Variants in NOP2 observed in about 807,000 individuals in gnomAD.
NOP2 encodes the protein 28S rRNA (cytosine(4447)-C(5))-methyltransferase.
NOP2 carries 7 observed loss-of-function variants against 72.7 expected under a neutral mutation model. The observed-to-expected ratio is 0.10, with a 90% CI of 0.05 to 0.18. The LOEUF (loss-of-function observed/expected upper bound fraction) is 0.18, where lower values mean the gene tolerates loss of function less well. NOP2 is among the 10% of genes least tolerant of loss of function. The pLI is 1.00. For missense variants in NOP2, 954 were observed against 1,014.7 expected (o/e 0.94, Z 0.81); for synonymous variants, 387 against 388.0 (o/e 1.00, Z 0.03).
chr12:6,567,736 C>T, intron 2 of NOP2, 80 bp downstream of exon 2: 1 of 1,124,040 alleles, frequency 8.9e-7, no homozygotes, highest in Non-Finnish European at 1.3e-6. Flanking sequence ...ATAAAATGAA[C>T]AGAAACTAAA....
rs1486034259 is a variant in NOP2 at position 6,560,811 on chromosome 12, C to A, written c.1348-24G>T. On this transcript the variant is annotated intron_variant, in intron 12 of 15. Coordinates refer to ENST00000322166, the MANE Select transcript of NOP2 (RefSeq NM_001258308.2). The surrounding 1 kb of genome is among the most constrained non-coding windows in gnomAD (Gnocchi z 5.0). ...ACCTGGAGAAAAGATACAGATGAAT[C>A]ATATGTCTCTTCTGCAACCAGCAGG... 1 of 1,610,326 alleles carries A rather than the reference C, an allele frequency of 6.2e-7. No individual in the cohort carries two copies. Among genetic ancestry groups the A allele is most frequent in the Non-Finnish European group, 8.5e-7 (1 of 1,178,152 alleles).
At position 6,557,110 on chromosome 12, in the gene NOP2, A is replaced by G; in HGVS notation, c.2322T>C (p.Asn774=). The change falls in exon 16 of 16, where the codon AAT becomes AAC. Residue 774 remains asparagine (N), a synonymous_variant. Coordinates refer to ENST00000322166, the MANE Select transcript of NOP2 (RefSeq NM_001258308.2). ...GAGGCTGAGGCCCCTTGGGGGTATC[A>G]TTCTGTTTCTGGAAGGCAGCTTTCT... ...PFEKAAFQKQ[N]DTPKGPQPPT... 6.2e-7 allele frequency: 1 copy of G among 1,613,960 alleles called. No individual in the cohort carries two copies. Among genetic ancestry groups the G allele is most frequent in the Non-Finnish European group, 8.5e-7 (1 of 1,179,890 alleles).
intron 15 of NOP2, chr12:6,558,140 CAA>C (rs1186896591): frequency 0.14 from 23,441 of 168,978 alleles, 285 homozygotes; most frequent in Non-Finnish European, 0.15. Flanking sequence ...GACACCGTCT[CAA>C]AAAAAAAAAA....
At chr12:6,566,370 C>T in intron 4 of NOP2, 34 bp from the exon 5 acceptor site, 1 of 1,561,752 alleles carries the variant, frequency 6.4e-7, no homozygotes, top group Non-Finnish European at 8.8e-7. Flanking sequence ...CTAATGGCAG[C>T]CACACATTCC....
Position 6,560,537 on chromosome 12 carries a change from G to C in NOP2, c.1470C>G (p.Leu490=), listed in dbSNP as rs1947617011. ...TAGCACTCAGGAGCAACTCCTTCTGGAGGTGAGCACAGCGCAGGATGTCCT... is the reference window on the plus strand; with the variant it reads ...TAGCACTCAGGAGCAACTCCTTCTGCAGGTGAGCACAGCGCAGGATGTCCT... ...DEKDILRCAH[L]QKELLLSAID... is the part of the protein sequence containing the mutation. Residue 490 remains leucine (L), a synonymous_variant, in exon 14 of 16, where the codon CTC becomes CTG. Transcript: ENST00000322166. This position sits in a 1 kb window ranked among gnomAD's most constrained non-coding sequence, Gnocchi z 5.0. The C allele has an allele frequency of 6.2e-7, 1 of 1,603,690 alleles. No individual in the cohort carries two copies.
Position 6,563,128 on chromosome 12 carries a change from T to A in NOP2, c.931A>T (p.Thr311Ser). ...LEANEVPRPV[T>S]LRTNTLKTRR... ...GTTTTCAAGGTATTGGTCCGGAGGG[T>A]GACGGGCCGAGGCACCTCATTAGCT... The change falls in exon 9 of 16, where the codon ACC (threonine) becomes TCC (serine). Residue 311 changes from threonine (T) to serine (S), a missense_variant. By Grantham distance (58) the Thr-to-Ser change is moderately conservative. Around this residue, in one of 3 missense-constraint regions of NOP2, gnomAD observed 498 missense variants for 478.3 expected, o/e 1.04. Coordinates refer to ENST00000322166, the MANE Select transcript of NOP2 (RefSeq NM_001258308.2). The A allele has an allele frequency of 6.3e-7, 1 of 1,597,260 alleles. No homozygotes were observed. Among genetic ancestry groups the A allele is most frequent in the South Asian group, 1.1e-5 (1 of 87,954 alleles).
chr12:6,567,736 CAGAAACTAAAAA>C (rs1947818449), intron 2 of NOP2, 68 bp downstream of exon 2: 2 of 1,124,040 alleles, frequency 1.8e-6, no homozygotes, highest in Non-Finnish European at 2.6e-6. Context: ...ATAAAATGAA[CAGAAACTAAAAA>C]AGAGAAGAGG....
intron 11 of NOP2, 82 bp downstream of exon 11, chr12:6,561,582 G>A: frequency 6.4e-7 from 1 of 1,553,564 alleles, no homozygotes; most frequent in Non-Finnish European, 8.8e-7. Context: ...ATGAGCACTA[G>A]TGAGTCAGCA....
rs191746895 is a variant in NOP2 at position 6,560,894 on chromosome 12, G to A, written c.1347+37C>T. The A allele has an allele frequency of 1.7e-5, 27 of 1,612,696 alleles. No homozygotes were observed. Among genetic ancestry groups the A allele is most frequent in the Admixed American group, 6.7e-5 (4 of 59,854 alleles). ...AGGTCAGGAAGGGAGAAGGTCAACC[G>A]GAAGAAGCCTCAGAAGACACACAGC... On this transcript the variant is annotated intron_variant, in intron 12 of 15. Transcript: ENST00000322166. This position sits in a 1 kb window ranked among gnomAD's most constrained non-coding sequence, Gnocchi z 5.0.
chr12:6,557,423 G>C lies in NOP2; in HGVS notation c.2009C>G (p.Thr670Ser). 1 of 1,614,054 alleles carries C rather than the reference G, an allele frequency of 6.2e-7. No individual in the cohort carries two copies. Among genetic ancestry groups the C allele is most frequent in the Non-Finnish European group, 8.5e-7 (1 of 1,179,900 alleles). ...ELSTVPSVTK[T>S]QASSSFQDSS... ...ATCCTGGAAGCTGGAGGAAGCTTGG[G>C]TCTTTGTGACAGAAGGTACAGTGGA... Residue 670 changes from threonine to serine, a missense_variant, in exon 16 of 16, where the codon ACC (threonine) becomes AGC (serine). Physicochemically the swap from Thr to Ser is moderately conservative, Grantham distance 58 (BLOSUM62 1). Coordinates refer to ENST00000322166, the MANE Select transcript of NOP2 (RefSeq NM_001258308.2).
intron 2 of NOP2, among the ~76,000 whole-genome samples, chr12:6,567,291 T>C (rs1401382713): frequency 6.6e-6 from 1 of 152,214 alleles, no homozygotes; most frequent in Non-Finnish European, 1.5e-5. Context: ...TTTAATACAG[T>C]GCCCAGGACT....
chr12:6,560,379 A>C lies in NOP2; in HGVS notation c.1561-53T>G. On this transcript the variant is annotated intron_variant, in intron 14 of 15. Coordinates refer to ENST00000322166, the MANE Select transcript of NOP2 (RefSeq NM_001258308.2). This position sits in a 1 kb window ranked among gnomAD's most constrained non-coding sequence, Gnocchi z 5.0. ...GAGGAAAAAGCAGAGCTGGAGCTGA[A>C]GGGAGCTCTAAGGGGCAAAGAGCCC... 1 of 1,605,574 alleles carries C rather than the reference A, an allele frequency of 6.2e-7. No homozygotes were observed. The highest frequency in any genetic ancestry group is 8.5e-7 in the Non-Finnish European group (1 of 1,173,794).
At position 6,557,454 on chromosome 12, in the gene NOP2, C is replaced by A. The variant is rs777894143; in HGVS notation, c.1978G>T (p.Glu660Ter). The A allele has an allele frequency of 1.9e-6, 3 of 1,614,012 alleles. No homozygotes were observed. The South Asian group carries it at 3.3e-5, about 18-fold the overall frequency. The change falls in exon 16 of 16, where the codon GAA becomes TAA. Residue 660 changes from glutamate to a stop codon, truncating the protein, a stop_gained. Transcript: ENST00000322166. LOFTEE classifies it low-confidence loss of function (END_TRUNC). ...GTGACAGAAGGTACAGTGGACAATTCTGAGTCTGCCCCTTTGGAGATGCCA... is the reference window on the plus strand; with the variant it reads ...GTGACAGAAGGTACAGTGGACAATTATGAGTCTGCCCCTTTGGAGATGCCA... ...LNGISKGADS[E>*]LSTVPSVTKT...
At position 6,560,568 on chromosome 12, in the gene NOP2, T is replaced by C; in HGVS notation, c.1439A>G (p.Asp480Gly). The change falls in exon 14 of 16, where the codon GAT becomes GGT. Residue 480 changes from aspartate to glycine, a missense_variant and splice_region_variant. This residue lies in a region of NOP2 where 187 missense variants were observed against 276.2 expected (regional missense o/e 0.68). Coordinates refer to ENST00000322166, the MANE Select transcript of NOP2 (RefSeq NM_001258308.2). The surrounding 1 kb of genome is among the most constrained non-coding windows in gnomAD (Gnocchi z 5.0). ...AGCACAGCGCAGGATGTCCTTCTCA[T>C]CCTGTCCCAAAAAGAGACCCAAAGG... Reference protein sequence around the residue: ...SKDPAVKTNKDEKDILRCAHL... With the variant: ...SKDPAVKTNKGEKDILRCAHL... The C allele has an allele frequency of 6.3e-7, 1 of 1,596,838 alleles. No homozygotes were observed.
chr12:6,566,145 A>T lies in NOP2; in HGVS notation c.430T>A (p.Tyr144Asn). ...TCCTCAGAGTTGGAGTCAGCTCCATAGTCATCTACCGTATCAGCATCGTCC... is the reference window on the plus strand; with the variant it reads ...TCCTCAGAGTTGGAGTCAGCTCCATTGTCATCTACCGTATCAGCATCGTCC... ...SEDDADTVDD[Y>N]GADSNSEDEE... is the part of the protein sequence containing the mutation. Residue 144 changes from tyrosine to asparagine, a missense_variant, in exon 5 of 16, where the codon TAT becomes AAT. Physicochemically the swap from Tyr to Asn is moderately radical, Grantham distance 143. Transcript: ENST00000322166. 6.2e-7 allele frequency: 1 copy of T among 1,613,934 alleles called. No individual in the cohort carries two copies. The highest frequency in any genetic ancestry group is 8.5e-7 in the Non-Finnish European group (1 of 1,179,854).
rs751400069 is a variant in NOP2 at position 6,566,102 on chromosome 12, G to C, written c.473C>G (p.Ala158Gly). The C allele has an allele frequency of 6.2e-7, 1 of 1,610,536 alleles. No individual in the cohort carries two copies. Among genetic ancestry groups the C allele is most frequent in the Non-Finnish European group, 8.5e-7 (1 of 1,177,524 alleles). ...AATGCCCAAAAAGATGAATCTCACC[G>C]CTTCACCTTCCTCCTCATCCTCAGA... Reference protein sequence around the residue: ...SNSEDEEEGEALLPIERAARK... With the variant: ...SNSEDEEEGEGLLPIERAARK... Residue 158 changes from alanine to glycine, a missense_variant and splice_region_variant, in exon 5 of 16, where the codon GCG (alanine) becomes GGG (glycine). Transcript: ENST00000322166.
chr12:6,563,505 G>C lies in NOP2; in HGVS notation c.698C>G (p.Ala233Gly). The C allele has an allele frequency of 6.2e-7, 1 of 1,612,600 alleles. No individual in the cohort carries two copies. The highest frequency in any genetic ancestry group is 1.1e-5 in the South Asian group (1 of 90,762). ...CTTGTGAACTCGTTGCAGGTCTGGA[G>C]CCTGGGCATGTGGGCCTGTTAAGGA... is the stretch of plus-strand genomic sequence containing the variant. ...PAGEMEQDAQ[A>G]PDLQRVHKRI... Residue 233 changes from alanine to glycine, a missense_variant, in exon 8 of 16, where the codon GCT (alanine) becomes GGT (glycine). Around this residue, in one of 3 missense-constraint regions of NOP2, gnomAD observed 498 missense variants for 478.3 expected, o/e 1.04. Transcript: ENST00000322166.
chr12:6,567,826 G>C lies in NOP2; in HGVS notation c.93C>G (p.Phe31Leu). The change falls in exon 2 of 16, where the codon TTC (phenylalanine) becomes TTG (leucine). Residue 31 changes from phenylalanine to leucine, a missense_variant. Around this residue, in one of 3 missense-constraint regions of NOP2, gnomAD observed 498 missense variants for 478.3 expected, o/e 1.04. Coordinates refer to ENST00000322166, the MANE Select transcript of NOP2 (RefSeq NM_001258308.2). Reference protein sequence around the residue: ...QKGAETELVRFLPAVSDENSK... With the variant: ...QKGAETELVRLLPAVSDENSK... ...ACAACTAATCCTTACCTGCAGGCAA[G>C]AATCTGACGAGTTCTGTCTCGGCAC... 1 of 1,613,928 alleles carries C rather than the reference G, an allele frequency of 6.2e-7. No individual in the cohort carries two copies. Among genetic ancestry groups the C allele is most frequent in the South Asian group, 1.1e-5 (1 of 91,078 alleles).
chr12:6,558,915 G>C (rs1947576608), intron 15 of NOP2, among the ~76,000 whole-genome samples: 1 of 152,158 alleles, frequency 6.6e-6, no homozygotes, highest in Non-Finnish European at 1.5e-5. Flanking sequence ...TTGTGATGAA[G>C]TGCGGGATAA....
Sources: gnomAD v4.1 joint callset for allele counts (sites outside exome capture counted in the v4.1 genomes callset) on GRCh38, gnomAD v4.1.1 for gene constraint, gnomAD v4.1.1 regional missense constraint, Gnocchi (gnomAD v3.1) non-coding constraint, MANE v1.5 for transcripts, NCBI Gene and HGNC (gene_info 2026-07-23, HGNC 2026-07-21) for gene names.